The following ATP2A2 variants were observed in gnomAD, a reference collection of about 807,000 sequenced individuals.
ATP2A2 encodes sarcoplasmic/endoplasmic reticulum calcium ATPase 2.
A neutral mutation model predicts 109.3 loss-of-function variants in ATP2A2; 14 were observed. The ratio of observed to expected loss-of-function variants is 0.13; its 90% CI spans 0.08 to 0.20. ATP2A2 has a LOEUF of 0.20. ATP2A2 is among the 10% of genes least tolerant of loss of function. ATP2A2 has a pLI of 1.00. For missense variants in ATP2A2, 657 were observed against 1,321.6 expected, an observed-to-expected ratio of 0.50 and a Z score of 7.80; for synonymous variants, 506 against 490.9, an observed-to-expected ratio of 1.03 and a Z score of -0.41.
chr12:110,345,628 CT>C, intron 18 of ATP2A2: 1 of 623,120 alleles, frequency 1.6e-6, no homozygotes, highest in Non-Finnish European at 2.8e-6. Context: ...AAAATAGGAA[CT>C]TTGGTACCCC....
chr12:110,326,353 G>T, intron 6 of ATP2A2, 37 bp from the exon 7 acceptor site: 1 of 1,566,862 alleles, frequency 6.4e-7, no homozygotes, highest in African/African-American at 1.4e-5. Context: ...GGTGTGGGTC[G>T]CAGAGATCTG....
rs1390993783 is a variant in ATP2A2, at chr12:110,347,726, T to TGTAA, written c.*1259_*1262dup. 7.8e-6 allele frequency: 9 copies of TGTAA among 1,146,788 alleles called. No individual in the cohort carries two copies. Among genetic ancestry groups the TGTAA allele is most frequent in the Admixed American group, 4.0e-5 (1 of 25,042 alleles). The allele number at this position is 1,146,788 out of a possible 1,614,324, so 71.0% of individuals were successfully genotyped here. A position where few individuals can be genotyped will look rare whatever the true frequency, so the allele number is the denominator to read the frequency against. On this transcript the variant is annotated 3_prime_UTR_variant, in exon 20 of 20. Coordinates refer to ENST00000539276, the MANE Select transcript of ATP2A2 (RefSeq NM_170665.4). ...TTCGAGATGAGTCTCACCAACAGTG[T>TGTAA]GTAAGTCATTAACAGTCCTAACTGT...
chr12:110,301,205 C>T (rs1333195199), intron 5 of ATP2A2, among the ~76,000 whole-genome samples: 1 of 152,092 alleles, frequency 6.6e-6, no homozygotes, highest in South Asian at 2.1e-4. Flanking sequence ...CTACTTGAAG[C>T]CTTAGAGAAA....
intron 3 of ATP2A2, among the ~76,000 whole-genome samples, chr12:110,283,805 G>T (rs1872398607): frequency 6.6e-6 from 1 of 152,116 alleles, no homozygotes; most frequent in African/African-American, 2.4e-5. Flanking sequence ...GTACATATAT[G>T]TATGCAGGTC....
In ATP2A2 at chr12:110,345,880, T is replaced by C; in HGVS notation, c.2742-121T>C. ...TGCCACTGTAGAAAGTGGAGGTAGGTCAGCGGATGGTGCCACATTAACAGC... is the reference window on the plus strand; with the variant it reads ...TGCCACTGTAGAAAGTGGAGGTAGGCCAGCGGATGGTGCCACATTAACAGC... On this transcript the variant is annotated intron_variant, in intron 18 of 19. Coordinates refer to ENST00000539276, the MANE Select transcript of ATP2A2 (RefSeq NM_170665.4). 4.2e-6 allele frequency: 4 copies of C among 959,874 alleles called. No homozygotes were observed. The South Asian group carries it at 5.2e-5, about 13-fold the overall frequency. The allele number at this position is 959,874 out of a possible 1,614,324, so 59.5% of individuals were successfully genotyped here.
chr12:110,287,358 T>C (rs959445448), intron 3 of ATP2A2, among the ~76,000 whole-genome samples: 2 of 152,180 alleles, frequency 1.3e-5, no homozygotes, highest in Non-Finnish European at 2.9e-5. Context: ...TTGTGGATAA[T>C]AATTGGGAGA....
rs1879221840 is a variant in ATP2A2 at position 110,340,260 on chromosome 12, G to A, written c.1762-399G>A. ...TCATAAGAAAATGCAAAAACCGCCA[G>A]GCACGGTGGCTCAAATGCCTGTAAT... On this transcript the variant is annotated intron_variant, in intron 13 of 19. Transcript: ENST00000539276. The surrounding 1 kb of genome is among the most constrained non-coding windows in gnomAD (Gnocchi z 6.0). Among the ~76,000 whole-genome samples the A allele has an allele frequency of 6.6e-6, 1 of 152,096 alleles. No individual in the cohort carries two copies. The highest frequency in any genetic ancestry group is 2.1e-4 in the South Asian group (1 of 4,826).
intron 4 of ATP2A2, 61 bp from the exon 5 acceptor site, chr12:110,296,538 G>T (rs954940846): frequency 1.9e-6 from 3 of 1,599,642 alleles, no homozygotes; most frequent in Admixed American, 3.3e-5. Flanking sequence ...TTATTCCTTG[G>T]GTTAGAAATA....
intron 5 of ATP2A2, among the ~76,000 whole-genome samples, chr12:110,319,423 G>C (rs1374797521): frequency 2.0e-5 from 3 of 151,474 alleles, no homozygotes; most frequent in Non-Finnish European, 2.9e-5. Context: ...GGTTTCCCAG[G>C]CATTTGACAT....
intron 3 of ATP2A2, among the ~76,000 whole-genome samples, chr12:110,291,104 C>G (rs1039651772): frequency 6.6e-6 from 1 of 152,074 alleles, no homozygotes; most frequent in African/African-American, 2.4e-5. Context: ...GATAGGGTTT[C>G]TTCGTGTTGG....
chr12:110,299,978 A>G (rs1214543986), intron 5 of ATP2A2, among the ~76,000 whole-genome samples: 4 of 150,236 alleles, frequency 2.7e-5, no homozygotes, highest in Admixed American at 6.6e-5. Flanking sequence ...CTGATCTCGA[A>G]CTCCCGACCT....
Position 110,347,985 on chromosome 12 carries a change from G to A in ATP2A2, c.*1515G>A, listed in dbSNP as rs1880041905. The A allele has an allele frequency of 2.0e-6, 2 of 988,560 alleles. No homozygotes were observed. Among genetic ancestry groups the A allele is most frequent in the Admixed American group, 5.9e-5 (1 of 16,830 alleles). The allele number at this position is 988,560 out of a possible 1,614,324, so 61.2% of individuals were successfully genotyped here. ...GGCGCAGCATCAGCTGGCTGGAGGT[G>A]TGGCTTTCATAGACCTCCACAGGCT... On this transcript the variant is annotated 3_prime_UTR_variant, in exon 20 of 20. Coordinates refer to ENST00000539276, the MANE Select transcript of ATP2A2 (RefSeq NM_170665.4).
intron 7 of ATP2A2, among the ~76,000 whole-genome samples, chr12:110,326,753 C>T (rs1021704165): frequency 5.3e-5 from 8 of 152,116 alleles, no homozygotes; most frequent in African/African-American, 1.9e-4. Context: ...TTGGAAAAGC[C>T]TTAGCCAATA....
chr12:110,282,666 G>A (rs762589604), intron 2 of ATP2A2, 45 bp downstream of exon 2: 1 of 1,613,542 alleles, frequency 6.2e-7, no homozygotes, highest in Non-Finnish European at 8.5e-7. Context: ...CTGTTGGTGT[G>A]CTGATGGTAA....
intron 3 of ATP2A2, among the ~76,000 whole-genome samples, chr12:110,283,181 G>C (rs1325475152): frequency 6.6e-6 from 1 of 152,200 alleles, no homozygotes; most frequent in African/African-American, 2.4e-5. Context: ...TCTGTAAATA[G>C]AACTTACAAA....
At position 110,348,491 on chromosome 12, in the gene ATP2A2, C is replaced by T; in HGVS notation, c.*2021C>T. ...TTGGAGTTTGGGGAGGGTTAGGAGG[C>T]ATCAAGCAGGACAAGGTGCTGCTGA... On this transcript the variant is annotated 3_prime_UTR_variant, in exon 20 of 20. Transcript: ENST00000539276. 1 of 985,468 alleles carries T rather than the reference C, an allele frequency of 1.0e-6. No individual in the cohort carries two copies. Among genetic ancestry groups the T allele is most frequent in the South Asian group, 4.7e-5 (1 of 21,282 alleles). The allele number at this position is 985,468 out of a possible 1,614,324, so 61.0% of individuals were successfully genotyped here.
chr12:110,340,167 C>T lies in ATP2A2; in HGVS notation c.1761+446C>T, dbSNP rs1879210192. ...TGAACAAAATGAAGAAGCTTTGGTA[C>T]TGTGGGCTCAGAATAGCACAAGAGT... is the stretch of plus-strand genomic sequence containing the variant. On this transcript the variant is annotated intron_variant, in intron 13 of 19. Coordinates refer to ENST00000539276, the MANE Select transcript of ATP2A2 (RefSeq NM_170665.4). This position sits in a 1 kb window ranked among gnomAD's most constrained non-coding sequence, Gnocchi z 6.0. 1.3e-5 allele frequency among the ~76,000 whole-genome samples: 2 copies of T among 152,116 alleles called. No homozygotes were observed. The highest frequency in any genetic ancestry group is 2.9e-5 in the Non-Finnish European group (2 of 68,020).
intron 4 of ATP2A2, among the ~76,000 whole-genome samples, chr12:110,293,826 ATGTGTGTGTGTGTGTGTGTGTGTG>A (rs59260681): frequency 2.8e-5 from 3 of 108,568 alleles, no homozygotes; most frequent in Non-Finnish European, 5.2e-5. Context: ...TGCCATATAT[ATGTGTGTGTGTGTGTGTGTGTGTG>A]TGTGTGTGTG....
intron 5 of ATP2A2, among the ~76,000 whole-genome samples, chr12:110,308,308 G>T (rs1875603449): frequency 6.6e-6 from 1 of 152,238 alleles, no homozygotes; most frequent in Non-Finnish European, 1.5e-5. Context: ...GTAGGGGAAA[G>T]CATCCAGTCC....
Sources: gnomAD v4.1 joint callset for allele counts (sites outside exome capture counted in the v4.1 genomes callset) on GRCh38, gnomAD v4.1.1 for gene constraint, Gnocchi (gnomAD v3.1) non-coding constraint, MANE v1.5 for transcripts, NCBI Gene and HGNC (gene_info 2026-07-23, HGNC 2026-07-21) for gene names.